Variants in MIPEP observed in about 807,000 individuals in gnomAD.
MIPEP encodes the protein mitochondrial intermediate peptidase.
Under a neutral mutation model 90.3 loss-of-function variants are expected in MIPEP, and 79 were observed. That is an observed-to-expected ratio of 0.87 (90% CI 0.73 to 1.05). The LOEUF (loss-of-function observed/expected upper bound fraction) is 1.05. Ranked by LOEUF, MIPEP falls within the 50% of genes least tolerant of loss-of-function variation. MIPEP has a pLI of 0.00. For synonymous variants in MIPEP, 334 were observed against 315.8 expected, an observed-to-expected ratio of 1.06 and a Z score of -0.61; for missense variants, 940 against 905.6, an observed-to-expected ratio of 1.04 and a Z score of -0.49.
rs1566013701 is a variant in MIPEP, at chr13:23,841,321, C to G, written c.1260+14G>C. On this transcript the variant is annotated intron_variant, in intron 11 of 18. Transcript: ENST00000382172. ...TAAATGCCTGCAACTGCAGGCTGAGCAGGAGGAGCTCACCAGTTTTCGGAC... is the reference window on the plus strand; with the variant it reads ...TAAATGCCTGCAACTGCAGGCTGAGGAGGAGGAGCTCACCAGTTTTCGGAC... The G allele has an allele frequency of 6.2e-7, 1 of 1,600,836 alleles. No homozygotes were observed. The highest frequency in any genetic ancestry group is 8.5e-7 in the Non-Finnish European group (1 of 1,175,456).
rs760286949 is a variant in MIPEP at position 23,886,503 on chromosome 13, G to C, written c.193C>G (p.Leu65Val). The C allele has an allele frequency of 1.1e-5, 17 of 1,582,572 alleles. No individual in the cohort carries two copies. The South Asian group carries it at 1.9e-4, about 17-fold the overall frequency. ...GCACTCAGCTCAGGAACTCCAAAAA[G>C]ACCCTTAGAACCAAAGAATACGTCT... is the stretch of plus-strand genomic sequence containing the variant. Reference protein sequence around the residue: ...RLDLFGERRGLFGVPELSAPE... With the variant: ...RLDLFGERRGVFGVPELSAPE... Residue 65 changes from leucine (L) to valine (V), a missense_variant, in exon 2 of 19, where the codon CTT becomes GTT. By Grantham distance (32) the Leu-to-Val change is conservative (BLOSUM62 1). Coordinates refer to ENST00000382172, the MANE Select transcript of MIPEP (RefSeq NM_005932.4).
At chr13:23,742,405 A>G (rs1451198612) in intron 18 of MIPEP, among the ~76,000 whole-genome samples, 1 of 152,214 alleles carries the variant, frequency 6.6e-6, no homozygotes, top group Admixed American at 6.5e-5. Flanking sequence ...AAATCTAAGT[A>G]AAAGTAAAAT....
chr13:23,738,193 A>G (rs192286559), intron 18 of MIPEP, among the ~76,000 whole-genome samples: 21 of 152,312 alleles, frequency 1.4e-4, no homozygotes, highest in Admixed American at 2.6e-4. Context: ...TTTATTAGGA[A>G]GATGTTATAT....
chr13:23,839,593 A>G, intron 12 of MIPEP, 56 bp downstream of exon 12: 1 of 1,200,134 alleles, frequency 8.3e-7, no homozygotes, highest in South Asian at 1.6e-5. Context: ...GTTCACATCA[A>G]TACAAATGAA....
At chr13:23,763,351 T>C (rs901060524) in intron 16 of MIPEP, among the ~76,000 whole-genome samples, 1 of 152,234 alleles carries the variant, frequency 6.6e-6, no homozygotes, top group Admixed American at 6.5e-5. Context: ...CTTGTACTAC[T>C]GATGATAAGC....
intron 16 of MIPEP, among the ~76,000 whole-genome samples, chr13:23,768,163 T>C (rs923504288): frequency 6.7e-6 from 1 of 150,110 alleles, no homozygotes; most frequent in African/African-American, 2.4e-5. Flanking sequence ...ATGCCAGATG[T>C]TGATGAAGCT....
At chr13:23,784,020 T>C (rs1029386290) in intron 16 of MIPEP, among the ~76,000 whole-genome samples, 7 of 152,010 alleles carry the variant, frequency 4.6e-5, no homozygotes, top group Admixed American at 1.3e-4. Flanking sequence ...AAAATGGCCA[T>C]ACTGCCCAAG....
intron 17 of MIPEP, among the ~76,000 whole-genome samples, chr13:23,759,279 A>G (rs1952515591): frequency 6.6e-6 from 1 of 152,076 alleles, no homozygotes; most frequent in African/African-American, 2.4e-5. Context: ...TCCAGCCAGC[A>G]TGGGATCCTC....
At chr13:23,826,123 G>C (rs1868442529) in intron 14 of MIPEP, among the ~76,000 whole-genome samples, 1 of 151,984 alleles carries the variant, frequency 6.6e-6, no homozygotes, top group Non-Finnish European at 1.5e-5. Flanking sequence ...AACATATAAG[G>C]AAGAAAGGAA....
chr13:23,772,039 G>GT (rs1952657273), intron 16 of MIPEP, among the ~76,000 whole-genome samples: 2 of 149,078 alleles, frequency 1.3e-5, no homozygotes, highest in South Asian at 2.1e-4. Context: ...CCAGGAATCC[G>GT]TAACAACTGC....
chr13:23,755,187 T>A (rs1201366084), intron 18 of MIPEP, among the ~76,000 whole-genome samples: 2 of 152,232 alleles, frequency 1.3e-5, no homozygotes, highest in Non-Finnish European at 2.9e-5. Context: ...CATGCACACT[T>A]CCTCACTCTT....
intron 16 of MIPEP, among the ~76,000 whole-genome samples, chr13:23,802,672 A>C (rs1408657632): frequency 6.6e-6 from 1 of 152,132 alleles, no homozygotes; most frequent in Non-Finnish European, 1.5e-5. Context: ...CATTGTATCT[A>C]GAAGATCCCC....
chr13:23,784,198 G>T (rs1952811196), intron 16 of MIPEP, among the ~76,000 whole-genome samples: 1 of 152,126 alleles, frequency 6.6e-6, no homozygotes, highest in Non-Finnish European at 1.5e-5. Context: ...TAAGCCAAAA[G>T]AACAGAGCTG....
chr13:23,799,195 A>C (rs1953004305), intron 16 of MIPEP, among the ~76,000 whole-genome samples: 1 of 150,394 alleles, frequency 6.6e-6, no homozygotes, highest in African/African-American at 2.5e-5. Context: ...ATTTTAGTAG[A>C]GACAGGGTTT....
At chr13:23,883,063 C>T (rs1485783579) in intron 2 of MIPEP, among the ~76,000 whole-genome samples, 2 of 152,024 alleles carry the variant, frequency 1.3e-5, no homozygotes, top group South Asian at 2.1e-4. Flanking sequence ...TATAACAGTA[C>T]TAATCTCACT....
intron 14 of MIPEP, among the ~76,000 whole-genome samples, chr13:23,834,050 G>A (rs1868902805): frequency 1.3e-5 from 2 of 152,152 alleles, no homozygotes; most frequent in East Asian, 1.9e-4. Context: ...TTCACCAGCC[G>A]TGTACTTGTC....
intron 18 of MIPEP, among the ~76,000 whole-genome samples, chr13:23,755,663 T>C (rs1048114048): frequency 6.6e-6 from 1 of 152,226 alleles, no homozygotes; most frequent in Non-Finnish European, 1.5e-5. Context: ...CATGTTTCAA[T>C]GTTCTTATAT....
At chr13:23,832,240 G>A (rs1868803504) in intron 14 of MIPEP, among the ~76,000 whole-genome samples, 1 of 152,146 alleles carries the variant, frequency 6.6e-6, no homozygotes, top group South Asian at 2.1e-4. Context: ...AGCACACTCA[G>A]TCCCTCGCCA....
intron 17 of MIPEP, 112 bp from the exon 18 acceptor site, chr13:23,756,730 A>G (rs1952494622): frequency 9.9e-7 from 1 of 1,013,284 alleles, no homozygotes. Context: ...AGCTGCCACC[A>G]TGTGACAATT....
Sources: gnomAD v4.1 joint callset for allele counts (sites outside exome capture counted in the v4.1 genomes callset) on GRCh38, gnomAD v4.1.1 for gene constraint, MANE v1.5 for transcripts, NCBI Gene and HGNC (gene_info 2026-07-23, HGNC 2026-07-21) for gene names.